Variants in CDH4 observed in about 807,000 individuals in gnomAD.
CDH4 encodes cadherin 4, also known as cadherin-4.
CDH4 carries 33 observed loss-of-function variants against 86.0 expected under a neutral mutation model. The ratio of observed to expected loss-of-function variants is 0.38; its 90% CI spans 0.29 to 0.51. CDH4 has a LOEUF of 0.51. Among genes scored for constraint, CDH4 ranks in the 20% least tolerant of loss-of-function variants. CDH4 has a pLI of 0.86. For synonymous variants in CDH4, 555 were observed against 549.4 expected, an observed-to-expected ratio of 1.01 and a Z score of -0.14; for missense variants, 1,114 against 1,307.4, an observed-to-expected ratio of 0.85 and a Z score of 2.28.
At chr20:61,915,744 G>A (rs2054897488) in intron 9 of CDH4, among the ~76,000 whole-genome samples, 1 of 152,234 alleles carries the variant, frequency 6.6e-6, no homozygotes, top group Admixed American at 6.5e-5. Context: ...GGGTGGAGAG[G>A]AAGGGACTGC....
At position 61,565,315 on chromosome 20, in the gene CDH4, G is replaced by GGTA. The variant is rs879346093; in HGVS notation, c.170-178247_170-178246insTAG. Among the ~76,000 whole-genome samples the GGTA allele has an allele frequency of 7.9e-5, 7 of 88,336 alleles. 2 individuals are homozygous for GGTA. Among genetic ancestry groups the GGTA allele is most frequent in the Non-Finnish European group, 7.5e-5 (3 of 39,774 alleles). The allele number at this position is 88,336 out of a possible 152,430, so 58.0% of individuals were successfully genotyped here. On this transcript the variant is annotated intron_variant, in intron 2 of 15. Coordinates refer to ENST00000614565, the MANE Select transcript of CDH4 (RefSeq NM_001794.5). Reference sequence around the variant, plus strand: ...TGGTGGTGGCGGTGCTCTTGGTGGTGGCGGTGCTCTTGGTGATGGTGGTAG... The same window carrying GGTA: ...TGGTGGTGGCGGTGCTCTTGGTGGTGGTAGCGGTGCTCTTGGTGATGGTGGTAG...
At chr20:61,634,685 C>A (rs986833806) in intron 2 of CDH4, among the ~76,000 whole-genome samples, 14 of 152,194 alleles carry the variant, frequency 9.2e-5, no homozygotes, top group Non-Finnish European at 1.3e-4. Flanking sequence ...CATAAGCGTT[C>A]GTTTTAACAC....
Position 61,480,768 on chromosome 20 carries a change from C to G in CDH4, c.169+225831C>G, listed in dbSNP as rs117586769. On this transcript the variant is annotated intron_variant, in intron 2 of 15. Transcript: ENST00000614565. The surrounding 1 kb of genome is among the most constrained non-coding windows in gnomAD (Gnocchi z 5.2). Reference sequence around the variant, plus strand: ...ATTATCATTCCACCAAAAGAGGTCACGAGACTAGAATTGTGATCCAGTTTC... The same window carrying G: ...ATTATCATTCCACCAAAAGAGGTCAGGAGACTAGAATTGTGATCCAGTTTC... Among the ~76,000 whole-genome samples, 1 of 152,206 alleles carries G rather than the reference C, an allele frequency of 6.6e-6. No homozygotes were observed. Among genetic ancestry groups the G allele is most frequent in the Non-Finnish European group, 1.5e-5 (1 of 68,040 alleles).
At chr20:61,675,165 G>C (rs1258536168) in intron 2 of CDH4, among the ~76,000 whole-genome samples, 1 of 152,240 alleles carries the variant, frequency 6.6e-6, no homozygotes, top group Non-Finnish European at 1.5e-5. Context: ...TGGTAGATGT[G>C]GCATGAGGTT....
At chr20:61,691,271 GTGTA>G (rs1312712491) in intron 2 of CDH4, among the ~76,000 whole-genome samples, 1 of 152,096 alleles carries the variant, frequency 6.6e-6, no homozygotes, top group African/African-American at 2.4e-5. Context: ...GTGCAAGTGT[GTGTA>G]TGTGCGTGTG....
chr20:61,642,971 C>A (rs1397589989), intron 2 of CDH4, among the ~76,000 whole-genome samples: 1 of 152,174 alleles, frequency 6.6e-6, no homozygotes, highest in African/African-American at 2.4e-5. Flanking sequence ...AAGATGATCC[C>A]CTCATCTCAA....
chr20:61,876,245 C>T (rs1036489374), intron 7 of CDH4, among the ~76,000 whole-genome samples: 7 of 152,224 alleles, frequency 4.6e-5, no homozygotes, highest in East Asian at 3.8e-4. Flanking sequence ...GCCCCACCTG[C>T]GTGCCATCAG....
intron 2 of CDH4, among the ~76,000 whole-genome samples, chr20:61,724,237 G>T (rs1429544298): frequency 6.6e-6 from 1 of 152,134 alleles, no homozygotes; most frequent in Non-Finnish European, 1.5e-5. Flanking sequence ...GACCCAGCGG[G>T]CTCCTCACTG....
intron 2 of CDH4, among the ~76,000 whole-genome samples, chr20:61,732,487 A>G (rs2088203715): frequency 6.6e-6 from 1 of 151,946 alleles, no homozygotes; most frequent in South Asian, 2.1e-4. Context: ...TCCCATCCTC[A>G]GATACACTAA....
intron 2 of CDH4, among the ~76,000 whole-genome samples, chr20:61,404,253 C>T (rs1371214205): frequency 1.3e-5 from 2 of 152,028 alleles, no homozygotes; most frequent in African/African-American, 2.4e-5. Flanking sequence ...GCCCCCGCCC[C>T]CTTCCTCTGC....
chr20:61,738,284 G>A (rs2088289720), intron 2 of CDH4: 1 of 152,176 alleles, frequency 6.6e-6, no homozygotes, highest in South Asian at 2.1e-4. Context: ...GAAGTAATTA[G>A]CAAACCATGG....
chr20:61,569,404 T>C (rs2387106), intron 2 of CDH4, among the ~76,000 whole-genome samples: 12,049 of 152,278 alleles, frequency 0.079, 1,019 homozygotes, highest in African/African-American at 0.21. Context: ...ACTCATCACC[T>C]GTTATTTCCC....
At position 61,471,029 on chromosome 20, in the gene CDH4, T is replaced by C. The variant is rs189042517; in HGVS notation, c.169+216092T>C. Among the ~76,000 whole-genome samples the C allele has an allele frequency of 7.9e-3, 1,199 of 152,250 alleles. 3 individuals are homozygous for C. Among genetic ancestry groups the C allele is most frequent in the Non-Finnish European group, 0.012 (805 of 67,958 alleles). On this transcript the variant is annotated intron_variant, in intron 2 of 15. Transcript: ENST00000614565. ...TTGATGTATCTTTGTCTGGGTGTGG[T>C]ATTAGGGTAATACTGGCCTCACATA...
At chr20:61,569,323 T>C (rs1338611742) in intron 2 of CDH4, among the ~76,000 whole-genome samples, 1 of 152,220 alleles carries the variant, frequency 6.6e-6, no homozygotes, top group African/African-American at 2.4e-5. Context: ...TTTTAACTCT[T>C]ATTTGGAGAT....
chr20:61,539,566 C>A (rs1398508083), intron 2 of CDH4, among the ~76,000 whole-genome samples: 1 of 152,198 alleles, frequency 6.6e-6, no homozygotes, highest in Admixed American at 6.5e-5. Flanking sequence ...TTTGCCTTAA[C>A]CCCGTTTTAA....
Position 61,937,028 on chromosome 20 carries a change from A to C in CDH4, c.*85A>C. 8 of 1,193,796 alleles carry C rather than the reference A, an allele frequency of 6.7e-6. No individual in the cohort carries two copies. The highest frequency in any genetic ancestry group is 3.4e-5 in the South Asian group (2 of 58,620). The allele number at this position is 1,193,796 out of a possible 1,614,324, so 74.0% of individuals were successfully genotyped here. On this transcript the variant is annotated 3_prime_UTR_variant, in exon 16 of 16. Coordinates refer to ENST00000614565, the MANE Select transcript of CDH4 (RefSeq NM_001794.5). The stretch of plus-strand genomic sequence containing the variant: ...TGAGCAGAGGCGGCCGGTCTTCCCG[A>C]CTCCCTGCGGCTGTGTCCTTAGTGC...
chr20:61,329,872 G>A (rs535892916), intron 2 of CDH4, among the ~76,000 whole-genome samples: 55 of 60,368 alleles, frequency 9.1e-4, no homozygotes, highest in Admixed American at 4.3e-3. Flanking sequence ...ACAGGCCCCA[G>A]TGTATGTTGT....
chr20:61,454,310 G>A (rs1269828301), intron 2 of CDH4, among the ~76,000 whole-genome samples: 1 of 152,194 alleles, frequency 6.6e-6, no homozygotes, highest in Non-Finnish European at 1.5e-5. Flanking sequence ...ACAACCATGG[G>A]GTGAACTTTG....
intron 2 of CDH4, among the ~76,000 whole-genome samples, chr20:61,383,562 GATATATGAT>G (rs1332595103): frequency 5.2e-4 from 1 of 1,924 alleles, no homozygotes; most frequent in Non-Finnish European, 1.0e-3. Context: ...TATGATATAT[GATATATGAT>G]ATATATGAAT....
Sources: allele counts gnomAD v4.1 joint callset (sites outside exome capture counted in the v4.1 genomes callset), GRCh38; gene constraint gnomAD v4.1.1; non-coding constraint Gnocchi (gnomAD v3.1); transcripts MANE v1.5; gene names NCBI Gene and HGNC (gene_info 2026-07-23, HGNC 2026-07-21).